Variants in ECPAS observed in about 807,000 individuals in gnomAD.
The protein encoded by ECPAS is Ecm29 proteasome adaptor and scaffold.
ECPAS carries 70 observed loss-of-function variants against 255.1 expected under a neutral mutation model. The ratio of observed to expected loss-of-function variants is 0.27; its 90% CI spans 0.23 to 0.33. ECPAS has a LOEUF of 0.33. ECPAS is among the 10% of genes least tolerant of loss of function. ECPAS has a pLI of 1.00. For missense variants in ECPAS, 1,817 were observed against 2,206.4 expected (o/e 0.82, Z 3.54); for synonymous variants, 784 against 775.0 (o/e 1.01, Z -0.19).
At position 111,372,587 on chromosome 9, in the gene ECPAS, A is replaced by C; in HGVS notation, c.4370T>G (p.Ile1457Ser). The change falls in exon 42 of 50, where the codon ATT becomes AGT. Residue 1457 changes from isoleucine (I) to serine (S), a missense_variant. By Grantham distance (142) the Ile-to-Ser change is moderately radical. Coordinates refer to ENST00000684092, the MANE Select transcript of ECPAS (RefSeq NM_001364929.1). ...PIYKTSCALTIHAIGRYSPDV... is the reference protein window; with the variant it reads ...PIYKTSCALTSHAIGRYSPDV... ...AGGGCTGTATCGTCCAATAGCATGA[A>C]TAGTCAAAGCACAAGAGGTCTTGTA... 6.2e-7 allele frequency: 1 copy of C among 1,613,452 alleles called. No individual in the cohort carries two copies. Among genetic ancestry groups the C allele is most frequent in the Non-Finnish European group, 8.5e-7 (1 of 1,179,624 alleles).
At chr9:111,362,253 G>T in intron 49 of ECPAS, 84 bp from the exon 50 acceptor site, 1 of 1,212,172 alleles carries the variant, frequency 8.2e-7, no homozygotes. Flanking sequence ...TATAGAACAA[G>T]CAAGAAAAAA....
At chr9:111,377,102 C>T (rs940621590) in intron 36 of ECPAS, among the ~76,000 whole-genome samples, 8 of 152,034 alleles carry the variant, frequency 5.3e-5, no homozygotes, top group African/African-American at 1.7e-4. Context: ...GCTTAGTAAA[C>T]ATCCTATGGG....
rs1287696968 is a variant in ECPAS at position 111,383,332 on chromosome 9, C to T, written c.3682G>A (p.Val1228Ile). 7 of 1,609,710 alleles carry T rather than the reference C, an allele frequency of 4.3e-6. No homozygotes were observed. Among genetic ancestry groups the T allele is most frequent in the South Asian group, 2.2e-5 (2 of 90,118 alleles). Reference protein sequence around the residue: ...AELALKTLSKVCVKMCDPAKG... With the variant: ...AELALKTLSKICVKMCDPAKG... The stretch of plus-strand genomic sequence containing the variant: ...GCAGGGTCACACATTTTCACACAGA[C>T]CTCACATACAAAGAGCATGGACGTT... Residue 1228 changes from valine to isoleucine, a missense_variant and splice_region_variant, in exon 35 of 50, where the codon GTC (valine) becomes ATC (isoleucine). Val to Ile is a conservative substitution (Grantham distance 29, BLOSUM62 3). This residue lies in a region of ECPAS where 960 missense variants were observed against 1,179.0 expected (regional missense o/e 0.81). Coordinates refer to ENST00000684092, the MANE Select transcript of ECPAS (RefSeq NM_001364929.1).
At position 111,422,172 on chromosome 9, in the gene ECPAS, T is replaced by C. The variant is rs755688798; in HGVS notation, c.1294A>G (p.Ile432Val). 26 of 1,613,688 alleles carry C rather than the reference T, an allele frequency of 1.6e-5. No individual in the cohort carries two copies. In the Admixed American group the frequency reaches 3.7e-4, roughly 23 times the overall value. ...SRMPHLFTKD[I>V]ALVQQLFEAL... ...TCAAAAAGCTGCTGCACAAGCGCTA[T>C]ATCCTTAGTGAATAAATGTGGCATC... Residue 432 changes from isoleucine (I) to valine (V), a missense_variant, in exon 14 of 50, where the codon ATA (isoleucine) becomes GTA (valine). Around this residue, in one of 4 missense-constraint regions of ECPAS, gnomAD observed 573 missense variants for 716.2 expected, o/e 0.80. Coordinates refer to ENST00000684092, the MANE Select transcript of ECPAS (RefSeq NM_001364929.1).
intron 3 of ECPAS, among the ~76,000 whole-genome samples, chr9:111,449,274 A>G (rs1313524708): frequency 6.6e-6 from 1 of 152,168 alleles, no homozygotes; most frequent in Non-Finnish European, 1.5e-5. Context: ...ACATTAATCT[A>G]AAAGCTGAGT....
At chr9:111,408,243 A>G (rs2098188246) in intron 24 of ECPAS, among the ~76,000 whole-genome samples, 1 of 152,166 alleles carries the variant, frequency 6.6e-6, no homozygotes, top group East Asian at 1.9e-4. Flanking sequence ...CAACTGAAAT[A>G]CCAACTGAAA....
chr9:111,390,666 G>A (rs938111230), intron 29 of ECPAS, among the ~76,000 whole-genome samples: 2 of 152,194 alleles, frequency 1.3e-5, no homozygotes, highest in African/African-American at 4.8e-5. Flanking sequence ...GTGGGGGAAC[G>A]TCAACGATGG....
rs952964094 is a variant in ECPAS at position 111,386,359 on chromosome 9, T to C, written c.3527+18A>G. On this transcript the variant is annotated intron_variant, in intron 32 of 49. Coordinates refer to ENST00000684092, the MANE Select transcript of ECPAS (RefSeq NM_001364929.1). The stretch of plus-strand genomic sequence containing the variant: ...ATTCAGTTTTATTTGACTAAACTTA[T>C]ATTCCTAAAAACGGTACCTGGATTC... 1 of 1,494,772 alleles carries C rather than the reference T, an allele frequency of 6.7e-7. No homozygotes were observed. The highest frequency in any genetic ancestry group is 9.3e-7 in the Non-Finnish European group (1 of 1,078,180). 92.6% of individuals were successfully genotyped at this position (1,494,772 alleles called of 1,614,324 possible). A position where few individuals can be genotyped will look rare whatever the true frequency, so the allele number is the denominator to read the frequency against.
intron 46 of ECPAS, among the ~76,000 whole-genome samples, chr9:111,368,114 T>C (rs2098122851): frequency 6.6e-6 from 1 of 151,994 alleles, no homozygotes. Context: ...AAGGCAAGCT[T>C]AAAGGGTAGC....
intron 38 of ECPAS, 117 bp downstream of exon 38, chr9:111,374,996 T>C: frequency 1.4e-6 from 1 of 715,306 alleles, no homozygotes; most frequent in South Asian, 1.7e-5. Context: ...AATAAAATGG[T>C]TAGTGTATAA....
intron 2 of ECPAS, among the ~76,000 whole-genome samples, chr9:111,466,479 T>G (rs1341036469): frequency 6.6e-6 from 1 of 151,924 alleles, no homozygotes; most frequent in Middle Eastern, 3.2e-3. Flanking sequence ...AAAAAGAACA[T>G]TTGATCTCAA....
chr9:111,400,183 A>T (rs958355131), intron 24 of ECPAS, among the ~76,000 whole-genome samples: 1 of 152,246 alleles, frequency 6.6e-6, no homozygotes, highest in Non-Finnish European at 1.5e-5. Context: ...TAAGAGTTGC[A>T]GCACACCTGG....
intron 1 of ECPAS, 145 bp downstream of exon 1, chr9:111,483,971 C>T: frequency 1.0e-6 from 1 of 991,266 alleles, no homozygotes. Context: ...TCGCTCGCGG[C>T]TCGTCCTGCC....
intron 11 of ECPAS, 69 bp downstream of exon 11, chr9:111,425,674 G>T: frequency 1.9e-6 from 2 of 1,035,496 alleles, no homozygotes; most frequent in South Asian, 1.6e-5. Context: ...TGAGTAAAAC[G>T]ATACACTTGA....
Position 111,432,361 on chromosome 9 carries a change from C to T in ECPAS, c.848+872G>A, listed in dbSNP as rs1295306309. On this transcript the variant is annotated intron_variant, in intron 8 of 49. Coordinates refer to ENST00000684092, the MANE Select transcript of ECPAS (RefSeq NM_001364929.1). ...AGGCGTGGTGGCTCACGCCTGTAAT[C>T]CCAGCACTTTGGGAGGCCAAGCTGC... 2.6e-5 allele frequency among the ~76,000 whole-genome samples: 4 copies of T among 152,352 alleles called. No individual in the cohort carries two copies. The South Asian group carries it at 6.2e-4, about 24-fold the overall frequency.
intron 31 of ECPAS, among the ~76,000 whole-genome samples, chr9:111,386,810 C>A (rs2098149351): frequency 6.6e-6 from 1 of 152,242 alleles, no homozygotes; most frequent in Non-Finnish European, 1.5e-5. Context: ...CCTCTCCCTA[C>A]AATCCCCTTC....
intron 34 of ECPAS, among the ~76,000 whole-genome samples, chr9:111,384,103 T>G (rs545488645): frequency 1.3e-5 from 2 of 152,274 alleles, no homozygotes; most frequent in African/African-American, 4.8e-5. Context: ...ATGGCAAGGT[T>G]TGTGCAACTA....
At chr9:111,420,477 C>G (rs1025744401) in intron 15 of ECPAS, among the ~76,000 whole-genome samples, 7 of 152,116 alleles carry the variant, frequency 4.6e-5, no homozygotes, top group Non-Finnish European at 8.8e-5. Context: ...GCCATCACCT[C>G]CGCCACCCCA....
At chr9:111,404,490 C>CAGG (rs2098180932) in intron 24 of ECPAS, among the ~76,000 whole-genome samples, 4 of 148,790 alleles carry the variant, frequency 2.7e-5, no homozygotes, top group Non-Finnish European at 4.4e-5. Flanking sequence ...GAGGAGAGGC[C>CAGG]TGGTGGGGGG....
Sources: allele counts gnomAD v4.1 joint callset (sites outside exome capture counted in the v4.1 genomes callset), GRCh38; gene constraint gnomAD v4.1.1; regional missense constraint gnomAD v4.1.1; transcripts MANE v1.5; gene names NCBI Gene and HGNC (gene_info 2026-07-23, HGNC 2026-07-21).